The following SLC5A5 variants were observed in gnomAD, a reference collection of about 807,000 sequenced individuals.
SLC5A5 encodes sodium/iodide cotransporter.
SLC5A5 carries 56 observed loss-of-function variants against 68.6 expected under a neutral mutation model. The observed-to-expected ratio is 0.82, with a 90% CI of 0.66 to 1.02. The LOEUF is 1.02. SLC5A5 is among the 50% of genes least tolerant of loss of function. The pLI, the probability that SLC5A5 is intolerant of heterozygous loss-of-function variation, is 0.00. For missense variants in SLC5A5, 807 were observed against 859.8 expected (o/e 0.94, Z 0.77); for synonymous variants, 398 against 373.0 (o/e 1.07, Z -0.77).
At position 17,893,950 on chromosome 19, in the gene SLC5A5, A is replaced by G; in HGVS notation, c.*73A>G. The G allele has an allele frequency of 2.1e-6, 3 of 1,418,394 alleles. No homozygotes were observed. Among genetic ancestry groups the G allele is most frequent in the Non-Finnish European group, 1.9e-6 (2 of 1,026,562 alleles). 87.9% of individuals were successfully genotyped at this position (1,418,394 alleles called of 1,614,324 possible). ...TGGGCCAAACCCAGACAACGGGCCC[A>G]TGGCCTTGGGCTCTGATTGGCTGGA... On this transcript the variant is annotated 3_prime_UTR_variant, in exon 15 of 15. Coordinates refer to ENST00000222248, the MANE Select transcript of SLC5A5 (RefSeq NM_000453.3).
chr19:17,877,877 G>A lies in SLC5A5; in HGVS notation c.839+14G>A. 6.2e-7 allele frequency: 1 copy of A among 1,614,156 alleles called. No individual in the cohort carries two copies. Among genetic ancestry groups the A allele is most frequent in the South Asian group, 1.1e-5 (1 of 91,086 alleles). On this transcript the variant is annotated intron_variant, in intron 6 of 14. Transcript: ENST00000222248. ...GCAGGCCAAGCTGTGAGTGTTTCGG[G>A]GAGCAAGGTCGGGGTTTCTGGGACA...
chr19:17,884,741 C>T (rs754999310), intron 12 of SLC5A5, among the ~76,000 whole-genome samples: 1 of 151,774 alleles, frequency 6.6e-6, no homozygotes, highest in Non-Finnish European at 1.5e-5. Flanking sequence ...CCACTGTATT[C>T]CAGCCTGGGC....
At chr19:17,875,852 G>C in intron 4 of SLC5A5, 100 bp from the exon 5 acceptor site, 1 of 1,008,336 alleles carries the variant, frequency 9.9e-7, no homozygotes, top group Non-Finnish European at 1.6e-6. Flanking sequence ...ACTTTAGAGA[G>C]GAGGAGACTG....
intron 7 of SLC5A5, among the ~76,000 whole-genome samples, chr19:17,878,976 A>AG (rs1286510275): frequency 8.9e-5 from 13 of 146,842 alleles, no homozygotes; most frequent in Non-Finnish European, 2.0e-4. Flanking sequence ...CTCCATCTCA[A>AG]AAAAAAAAAA....
intron 4 of SLC5A5, among the ~76,000 whole-genome samples, chr19:17,875,002 G>A (rs532748625): frequency 5.9e-5 from 9 of 152,288 alleles, no homozygotes; most frequent in Non-Finnish European, 1.3e-4. Context: ...GGGGCTGGCT[G>A]AGGTCCCAGG....
At chr19:17,889,960 C>A (rs560035363) in intron 13 of SLC5A5, among the ~76,000 whole-genome samples, 5 of 152,176 alleles carry the variant, frequency 3.3e-5, no homozygotes, top group Non-Finnish European at 7.3e-5. Flanking sequence ...AGTCATCAGG[C>A]CTTTATCGAG....
intron 4 of SLC5A5, among the ~76,000 whole-genome samples, chr19:17,875,566 C>A (rs1295562975): frequency 6.7e-6 from 1 of 149,984 alleles, no homozygotes; most frequent in African/African-American, 2.5e-5. Context: ...GGTTCGAGAC[C>A]AGCCTAGGCA....
intron 1 of SLC5A5, among the ~76,000 whole-genome samples, chr19:17,873,409 C>T (rs1237253475): frequency 1.3e-5 from 2 of 151,802 alleles, no homozygotes; most frequent in African/African-American, 4.8e-5. Context: ...GAGCCGATAT[C>T]GCGTCACTGC....
chr19:17,874,625 C>G (rs1251095287), intron 3 of SLC5A5, 39 bp from the exon 4 acceptor site: 3 of 1,613,748 alleles, frequency 1.9e-6, no homozygotes, highest in Non-Finnish European at 2.5e-6. Context: ...AGTTTGCGCC[C>G]CGCCCAGGGG....
At chr19:17,882,691 T>G (rs1249199672) in intron 10 of SLC5A5, among the ~76,000 whole-genome samples, 2 of 151,162 alleles carry the variant, frequency 1.3e-5, no homozygotes, top group Non-Finnish European at 3.0e-5. Context: ...ATTTTTGTAT[T>G]TTTTTTTCTT....
intron 12 of SLC5A5, 113 bp downstream of exon 12, chr19:17,884,159 T>TG (rs1224026123): frequency 5.1e-6 from 5 of 987,312 alleles, no homozygotes; most frequent in East Asian, 2.6e-5. Flanking sequence ...AATGCATTCC[T>TG]GGGGGAGGGA....
At position 17,892,695 on chromosome 19, in the gene SLC5A5, A is replaced by AGC. The variant is rs1555755275; in HGVS notation, c.1768-1017_1768-1016insCG. ...GAGAGAGAGAGAGAGAGAGAGAGAG[A>AGC]GAGCAAGCTAAAAAGAAAAACGTGT... On this transcript the variant is annotated intron_variant, in intron 14 of 14. Transcript: ENST00000222248. Among the ~76,000 whole-genome samples the AGC allele has an allele frequency of 1.6e-3, 245 of 148,688 alleles. 2 individuals are homozygous for AGC. Among genetic ancestry groups the AGC allele is most frequent in the East Asian group, 9.9e-3 (45 of 4,532 alleles).
intron 14 of SLC5A5, among the ~76,000 whole-genome samples, chr19:17,892,687 A>AGAGAGAGAGAGAGAGAGAGC: frequency 6.6e-6 from 1 of 150,584 alleles, no homozygotes; most frequent in Non-Finnish European, 1.5e-5. Flanking sequence ...AGAGAGAGAG[A>AGAGAGAGAGAGAGAGAGAGC]GAGAGAGAGA....
rs1318618275 is a variant in SLC5A5, at chr19:17,878,170, T to C, written c.969+77T>C. The C allele has an allele frequency of 9.9e-6, 15 of 1,512,744 alleles. No individual in the cohort carries two copies. The East Asian group carries it at 3.4e-4, about 34-fold the overall frequency. 93.7% of individuals were successfully genotyped at this position (1,512,744 alleles called of 1,614,324 possible). A position where few individuals can be genotyped will look rare whatever the true frequency, so the allele number is the denominator to read the frequency against. Reference sequence around the variant, plus strand: ...TGGGATTGAGGTCGAAGAGCATTCCTAGCAGAGGGAATGGCCTGTGCAAAG... The same window carrying C: ...TGGGATTGAGGTCGAAGAGCATTCCCAGCAGAGGGAATGGCCTGTGCAAAG... On this transcript the variant is annotated intron_variant, in intron 7 of 14. Transcript: ENST00000222248.
intron 7 of SLC5A5, among the ~76,000 whole-genome samples, chr19:17,879,944 G>A (rs2094316757): frequency 6.6e-6 from 1 of 151,770 alleles, no homozygotes; most frequent in Non-Finnish European, 1.5e-5. Context: ...CTGTTGCCCA[G>A]GCTGGAGTGC....
At chr19:17,875,654 T>C (rs2147731394) in intron 4 of SLC5A5, among the ~76,000 whole-genome samples, 1 of 150,046 alleles carries the variant, frequency 6.7e-6, no homozygotes, top group East Asian at 2.1e-4. Flanking sequence ...TGGCACCTGC[T>C]GTAGCTCCAG....
chr19:17,872,533 C>G lies in SLC5A5; in HGVS notation c.214C>G (p.Gln72Glu). Reference protein sequence around the residue: ...SLSASFMSAVQVLGVPSEAYR... With the variant: ...SLSASFMSAVEVLGVPSEAYR... ...GTCTGCCAGCTTCATGTCGGCCGTG[C>G]AGGTGCTGGGCGTGCCGTCGGAGGC... The change falls in exon 1 of 15, where the codon CAG becomes GAG. Residue 72 changes from glutamine to glutamate, a missense_variant. By Grantham distance (29) the Gln-to-Glu change is conservative. Transcript: ENST00000222248. 6.2e-7 allele frequency: 1 copy of G among 1,612,660 alleles called. No homozygotes were observed. Among genetic ancestry groups the G allele is most frequent in the Non-Finnish European group, 8.5e-7 (1 of 1,179,888 alleles).
At position 17,872,649 on chromosome 19, in the gene SLC5A5, C is replaced by T. The variant is rs145238835; in HGVS notation, c.330C>T (p.Tyr110=). The part of the protein sequence containing the change: ...LTALLFMPVF[Y]RLGLTSTYEY... The stretch of plus-strand genomic sequence containing the variant: ...CCCTGCTCTTCATGCCCGTCTTCTA[C>T]CGCCTGGGCCTCACCAGCACCTACG... Residue 110 remains tyrosine, a synonymous_variant, in exon 1 of 15, where the codon TAC becomes TAT. Coordinates refer to ENST00000222248, the MANE Select transcript of SLC5A5 (RefSeq NM_000453.3). The T allele has an allele frequency of 6.0e-4, 971 of 1,606,312 alleles. No homozygotes were observed. Among genetic ancestry groups the T allele is most frequent in the Non-Finnish European group, 5.2e-4 (611 of 1,176,280 alleles).
Position 17,893,889 on chromosome 19 carries a change from GC to G in SLC5A5, c.*14del. On this transcript the variant is annotated 3_prime_UTR_variant, in exon 15 of 15. Coordinates refer to ENST00000222248, the MANE Select transcript of SLC5A5 (RefSeq NM_000453.3). The stretch of plus-strand genomic sequence containing the variant: ...AGACAAACCTCTGAGGACAGGGCCA[GC>G]CGCGGGACTGACACCCTGGGATGGA... The G allele has an allele frequency of 6.4e-7, 1 of 1,554,772 alleles. No homozygotes were observed. Among genetic ancestry groups the G allele is most frequent in the Non-Finnish European group, 8.7e-7 (1 of 1,148,044 alleles).
Sources: gnomAD v4.1 joint callset for allele counts (sites outside exome capture counted in the v4.1 genomes callset) on GRCh38, gnomAD v4.1.1 for gene constraint, MANE v1.5 for transcripts, NCBI Gene and HGNC (gene_info 2026-07-23, HGNC 2026-07-21) for gene names.